Variants in HPSE observed in about 807,000 individuals in gnomAD.
The protein encoded by HPSE is heparanase.
HPSE carries 48 observed loss-of-function variants against 65.1 expected under a neutral mutation model. The observed-to-expected ratio is 0.74, with a 90% confidence interval of 0.58 to 0.94. The LOEUF is 0.94. Ranked by LOEUF, HPSE falls within the 40% of genes least tolerant of loss-of-function variation. The pLI, the probability that HPSE is intolerant of heterozygous loss-of-function variation, is 0.00. For missense variants in HPSE, 644 were observed against 637.5 expected (o/e 1.01, Z -0.11); for synonymous variants, 243 against 260.0 (o/e 0.93, Z 0.63).
intron 9 of HPSE, among the ~76,000 whole-genome samples, chr4:83,302,929 T>A (rs1163065856): frequency 6.6e-6 from 1 of 152,182 alleles, no homozygotes; most frequent in Non-Finnish European, 1.5e-5. Context: ...GAGCCGTGAT[T>A]GTGCCACTGC....
chr4:83,311,025 C>T, intron 4 of HPSE, 135 bp from the exon 5 acceptor site: 1 of 724,630 alleles, frequency 1.4e-6, no homozygotes, highest in South Asian at 1.9e-5. Flanking sequence ...AAAGTAAAAC[C>T]AGGTCTGGCG....
Position 83,308,922 on chromosome 4 carries a change from C to G in HPSE, c.1014G>C (p.Lys338Asn). The change falls in exon 8 of 12, where the codon AAG (lysine) becomes AAC (asparagine). Residue 338 changes from lysine (K) to asparagine (N), a missense_variant. Coordinates refer to ENST00000311412, the MANE Select transcript of HPSE (RefSeq NM_001098540.3). ...CAGAGCTTGTTTCTCCTAACCAGAC[C>G]TTCTTGCCAGGCCTGGTGCTCTCAA... ...QVVESTRPGKKVWLGETSSAY... is the reference protein window; with the variant it reads ...QVVESTRPGKNVWLGETSSAY... The G allele has an allele frequency of 1.2e-6, 2 of 1,614,198 alleles. No individual in the cohort carries two copies. The highest frequency in any genetic ancestry group is 1.7e-6 in the Non-Finnish European group (2 of 1,180,020).
rs758133160 is a variant in HPSE, at chr4:83,295,388, T to A, written c.1588A>T (p.Ser530Cys). ...SSLGLPAFSY[S>C]FFVIRNAKVA... ...TTGGCATTTCTTATCACAAAAAAAC[T>A]ATATGAGAAAGCTGGCAAGCCCAGT... Residue 530 changes from serine (S) to cysteine (C), a missense_variant, in exon 12 of 12, where the codon AGT becomes TGT. Coordinates refer to ENST00000311412, the MANE Select transcript of HPSE (RefSeq NM_001098540.3). The A allele has an allele frequency of 6.2e-7, 1 of 1,612,506 alleles. No homozygotes were observed. The highest frequency in any genetic ancestry group is 8.5e-7 in the Non-Finnish European group (1 of 1,179,062).
At chr4:83,315,654 A>C (rs10021543) in intron 3 of HPSE, among the ~76,000 whole-genome samples, 1 of 152,038 alleles carries the variant, frequency 6.6e-6, no homozygotes, top group Non-Finnish European at 1.5e-5. Flanking sequence ...TATAATATGA[A>C]CAGGGGTAAT....
chr4:83,323,759 A>G (rs568421487), intron 1 of HPSE, among the ~76,000 whole-genome samples: 10 of 152,324 alleles, frequency 6.6e-5, no homozygotes, highest in Admixed American at 4.6e-4. Context: ...ATATTCTGTC[A>G]AGCCAAAAAT....
intron 4 of HPSE, 51 bp downstream of exon 4, chr4:83,313,063 A>C (rs766941292): frequency 1.8e-6 from 2 of 1,101,408 alleles, no homozygotes; most frequent in South Asian, 3.0e-5. Context: ...GAAAAGAAAT[A>C]ATGCTAGTGG....
chr4:83,295,540 G>A (rs2126180348), intron 11 of HPSE, 37 bp from the exon 12 acceptor site: 1 of 1,474,242 alleles, frequency 6.8e-7, no homozygotes, highest in Non-Finnish European at 9.1e-7. Flanking sequence ...TAACCAAGTG[G>A]TGCATGCCCC....
At chr4:83,325,737 G>C (rs1361553859) in intron 1 of HPSE, among the ~76,000 whole-genome samples, 1 of 152,190 alleles carries the variant, frequency 6.6e-6, no homozygotes, top group Non-Finnish European at 1.5e-5. Context: ...CTGAGGGTAG[G>C]GGGTTGGATA....
At chr4:83,308,272 G>A (rs553829948) in intron 8 of HPSE, among the ~76,000 whole-genome samples, 5 of 152,126 alleles carry the variant, frequency 3.3e-5, no homozygotes, top group African/African-American at 1.2e-4. Context: ...GCCCAGTGCG[G>A]TGATACTCCT....
rs1736308003 is a variant in HPSE, at chr4:83,310,065, C to T, written c.856G>A (p.Gly286Ser). Residue 286 changes from glycine (G) to serine (S), a missense_variant, in exon 6 of 12, where the codon GGT (glycine) becomes AGT (serine). By Grantham distance (56) the Gly-to-Ser change is moderately conservative (BLOSUM62 0). Coordinates refer to ENST00000311412, the MANE Select transcript of HPSE (RefSeq NM_001098540.3). ...AKMLKSFLKAGGEVIDSVTWH... is the reference protein window; with the variant it reads ...AKMLKSFLKASGEVIDSVTWH... ...GTAACTGAATCAATCACTTCTCCAC[C>T]AGCCTTCAGGAAGCTAGAAAAAAAA... 1 of 1,610,630 alleles carries T rather than the reference C, an allele frequency of 6.2e-7. No individual in the cohort carries two copies. The highest frequency in any genetic ancestry group is 1.1e-5 in the South Asian group (1 of 90,814).
At chr4:83,312,020 G>C (rs1173704782) in intron 4 of HPSE, among the ~76,000 whole-genome samples, 1 of 152,170 alleles carries the variant, frequency 6.6e-6, no homozygotes, top group Non-Finnish European at 1.5e-5. Flanking sequence ...TTCTATACTG[G>C]CAAGTTCTAG....
chr4:83,334,247 T>G (rs111688651), intron 1 of HPSE, among the ~76,000 whole-genome samples: 13 of 152,274 alleles, frequency 8.5e-5, no homozygotes, highest in African/African-American at 3.1e-4. Context: ...TTAGATACAA[T>G]GTACAACATT....
At chr4:83,312,034 G>GC (rs1056501023) in intron 4 of HPSE, among the ~76,000 whole-genome samples, 1 of 152,160 alleles carries the variant, frequency 6.6e-6, no homozygotes, top group Non-Finnish European at 1.5e-5. Flanking sequence ...GTTCTAGACC[G>GC]TTTGGGCAGG....
At chr4:83,310,118 A>T (rs1256133562) in intron 5 of HPSE, 40 bp from the exon 6 acceptor site, 2 of 1,318,994 alleles carry the variant, frequency 1.5e-6, no homozygotes, top group Admixed American at 3.4e-5. Context: ...CATATAATAC[A>T]TATATATGCA....
chr4:83,314,860 A>ATAT (rs1736565104), intron 3 of HPSE, among the ~76,000 whole-genome samples: 2 of 152,164 alleles, frequency 1.3e-5, no homozygotes, highest in Admixed American at 1.3e-4. Flanking sequence ...ATAATATTAA[A>ATAT]TATTAGCTAT....
In HPSE at chr4:83,334,688, G is replaced by A; in HGVS notation, c.95C>T (p.Pro32Leu). 6.4e-7 allele frequency: 1 copy of A among 1,571,474 alleles called. No homozygotes were observed. The highest frequency in any genetic ancestry group is 1.3e-5 in the African/African-American group (1 of 74,114). ...GTCCACGACGTCCTGTGCTTGCGCAGGTCGGGGCAGGGCGCCAGGGGAGAG... is the reference window on the plus strand; with the variant it reads ...GTCCACGACGTCCTGTGCTTGCGCAAGTCGGGGCAGGGCGCCAGGGGAGAG... ...GPLSPGALPR[P>L]AQAQDVVDLD... Residue 32 changes from proline (P) to leucine (L), a missense_variant, in exon 1 of 12, where the codon CCT becomes CTT. Pro to Leu is a moderately conservative substitution (Grantham distance 98). Transcript: ENST00000311412.
At chr4:83,327,902 A>C (rs556056021) in intron 1 of HPSE, among the ~76,000 whole-genome samples, 26 of 152,356 alleles carry the variant, frequency 1.7e-4, no homozygotes, top group African/African-American at 5.5e-4. Context: ...CAGTAATTTA[A>C]GTAATTTCTG....
At chr4:83,333,169 G>T (rs192939817) in intron 1 of HPSE, among the ~76,000 whole-genome samples, 44 of 152,332 alleles carry the variant, frequency 2.9e-4, no homozygotes, top group African/African-American at 1.0e-3. Flanking sequence ...GCTACCAAAT[G>T]CTCACCATGT....
At chr4:83,330,840 A>C (rs1737335654) in intron 1 of HPSE, among the ~76,000 whole-genome samples, 1 of 152,192 alleles carries the variant, frequency 6.6e-6, no homozygotes, top group Non-Finnish European at 1.5e-5. Context: ...TACGTGTCTT[A>C]ATTGAAATGC....
Sources: allele counts gnomAD v4.1 joint callset (sites outside exome capture counted in the v4.1 genomes callset), GRCh38; gene constraint gnomAD v4.1.1; transcripts MANE v1.5; gene names NCBI Gene and HGNC (gene_info 2026-07-23, HGNC 2026-07-21).